Variants in SPOCK2 observed in about 807,000 individuals in gnomAD.
SPOCK2 encodes testican-2.
Under a neutral mutation model 60.1 loss-of-function variants are expected in SPOCK2, and 39 were observed. That is an observed-to-expected ratio of 0.65 (90% CI 0.50 to 0.85). The LOEUF (loss-of-function observed/expected upper bound fraction) is 0.85, where lower values mean the gene tolerates loss of function less well. Ranked by LOEUF, SPOCK2 falls within the 40% of genes least tolerant of loss-of-function variation. SPOCK2 has a pLI of 0.00. For missense variants in SPOCK2, 523 were observed against 567.4 expected (o/e 0.92, Z 0.80); for synonymous variants, 217 against 231.5 (o/e 0.94, Z 0.57).
chr10:72,064,047 G>A (rs1361928106), intron 9 of SPOCK2, 131 bp downstream of exon 9: 1 of 1,182,656 alleles, frequency 8.5e-7, no homozygotes, highest in African/African-American at 1.6e-5. Context: ...ACCCTCTTCT[G>A]TCTTCCTAGG....
Position 72,067,686 on chromosome 10 carries a change from C to T in SPOCK2, c.636G>A (p.Arg212=), listed in dbSNP as rs778669707. Residue 212 remains arginine (R), a synonymous_variant, in exon 7 of 11, where the codon CGG becomes CGA. Coordinates refer to ENST00000373109, the MANE Select transcript of SPOCK2 (RefSeq NM_001244950.2). The part of the protein sequence containing the change: ...QDLADLGDRL[R]DWFQLLHENS... ...TCTCATGAAGGAGCTGGAACCAGTC[C>T]CGCAGCCGATCTCCCAGGTCAGCCA... 5 of 1,613,788 alleles carry T rather than the reference C, an allele frequency of 3.1e-6. No homozygotes were observed. Among genetic ancestry groups the T allele is most frequent in the South Asian group, 1.1e-5 (1 of 91,058 alleles).
intron 4 of SPOCK2, among the ~76,000 whole-genome samples, chr10:72,071,452 G>C (rs1414328187): frequency 6.6e-6 from 1 of 152,192 alleles, no homozygotes; most frequent in Non-Finnish European, 1.5e-5. Flanking sequence ...GCTTCCCAAA[G>C]TGCTGGGATT....
chr10:72,088,246 C>G lies in SPOCK2; in HGVS notation c.83G>C (p.Gly28Ala). The G allele has an allele frequency of 6.2e-7, 1 of 1,611,010 alleles. No homozygotes were observed. ...AAALAEGDAK[G>A]LKEGETPGNF... Reference sequence around the variant, plus strand: ...GCCGGGGGTCTCGCCCTCCTTGAGCCCCTTGGCGTCGCCTTCGGCCAGGGC... The same window carrying G: ...GCCGGGGGTCTCGCCCTCCTTGAGCGCCTTGGCGTCGCCTTCGGCCAGGGC... The change falls in exon 1 of 11, where the codon GGG becomes GCG. Residue 28 changes from glycine (G) to alanine (A), a missense_variant. Coordinates refer to ENST00000373109, the MANE Select transcript of SPOCK2 (RefSeq NM_001244950.2).
chr10:72,073,024 C>T, intron 1 of SPOCK2, 114 bp from the exon 2 acceptor site: 1 of 1,451,700 alleles, frequency 6.9e-7, no homozygotes, highest in African/African-American at 1.4e-5. Context: ...CCTGCCTCAT[C>T]ATGTGGCCGA....
At position 72,062,524 on chromosome 10, in the gene SPOCK2, T is replaced by G; in HGVS notation, c.*236A>C. The G allele has an allele frequency of 1.5e-6, 1 of 673,496 alleles. No individual in the cohort carries two copies. The highest frequency in any genetic ancestry group is 3.1e-5 in the South Asian group (1 of 32,208). The allele number at this position is 673,496 out of a possible 1,614,324, so 41.7% of individuals were successfully genotyped here. A position where few individuals can be genotyped will look rare whatever the true frequency, so the allele number is the denominator to read the frequency against. ...GGAGCAGTGTGGATCAAGGACACAT[T>G]TGTCAGCGCATGCCACACACACACA... On this transcript the variant is annotated 3_prime_UTR_variant, in exon 11 of 11. Coordinates refer to ENST00000373109, the MANE Select transcript of SPOCK2 (RefSeq NM_001244950.2). This position sits in a 1 kb window ranked among gnomAD's most constrained non-coding sequence, Gnocchi z 4.3.
At position 72,088,000 on chromosome 10, in the gene SPOCK2, C is replaced by G. The variant is rs1002780435; in HGVS notation, c.189+140G>C. ...GGGCGCTGGGCTGTGACCCCCAGTA[C>G]TGTTTACTTTCCGTGTAATTAGCCG... On this transcript the variant is annotated intron_variant, in intron 1 of 10. Coordinates refer to ENST00000373109, the MANE Select transcript of SPOCK2 (RefSeq NM_001244950.2). This position sits in a 1 kb window ranked among gnomAD's most constrained non-coding sequence, Gnocchi z 4.7. 3 of 1,107,132 alleles carry G rather than the reference C, an allele frequency of 2.7e-6. No homozygotes were observed. Among genetic ancestry groups the G allele is most frequent in the Non-Finnish European group, 3.9e-6 (3 of 772,138 alleles). The allele number at this position is 1,107,132 out of a possible 1,614,324, so 68.6% of individuals were successfully genotyped here.
intron 1 of SPOCK2, chr10:72,086,993 C>G: frequency 6.4e-7 from 1 of 1,551,502 alleles, no homozygotes; most frequent in African/African-American, 1.4e-5. Context: ...ACGAGGGAAC[C>G]TGGGGAAGGA....
chr10:72,088,267 A>G lies in SPOCK2; in HGVS notation c.62T>C (p.Leu21Pro), dbSNP rs766989779. The part of the protein sequence containing the change: ...LPLLLLAAAA[L>P]AEGDAKGLKE... ...GAGCCCCTTGGCGTCGCCTTCGGCC[A>G]GGGCTGCCGCGGCCAGGAGCAGCAG... Residue 21 changes from leucine (L) to proline (P), a missense_variant, in exon 1 of 11, where the codon CTG (leucine) becomes CCG (proline). Leu to Pro is a moderately conservative substitution (Grantham distance 98). Coordinates refer to ENST00000373109, the MANE Select transcript of SPOCK2 (RefSeq NM_001244950.2). The G allele has an allele frequency of 5.0e-6, 8 of 1,606,320 alleles. No homozygotes were observed. The highest frequency in any genetic ancestry group is 6.8e-6 in the Non-Finnish European group (8 of 1,177,688).
chr10:72,081,441 G>A (rs995796363), intron 1 of SPOCK2, among the ~76,000 whole-genome samples: 2 of 152,222 alleles, frequency 1.3e-5, no homozygotes. Context: ...GGCAGGTGTT[G>A]GGGAAGACAG....
chr10:72,076,188 C>T (rs150935495), intron 1 of SPOCK2, among the ~76,000 whole-genome samples: 71 of 152,210 alleles, frequency 4.7e-4, no homozygotes, highest in African/African-American at 1.4e-3. Context: ...GGAGGAATGA[C>T]GAGGAAGTCC....
At chr10:72,069,686 G>A (rs908785641) in intron 5 of SPOCK2, among the ~76,000 whole-genome samples, 6 of 151,984 alleles carry the variant, frequency 3.9e-5, no homozygotes, top group African/African-American at 1.2e-4. Context: ...TCAAACTCCC[G>A]GATTCAAGCA....
intron 1 of SPOCK2, among the ~76,000 whole-genome samples, chr10:72,073,548 G>A (rs1840676817): frequency 6.6e-6 from 1 of 152,112 alleles, no homozygotes; most frequent in Admixed American, 6.5e-5. Flanking sequence ...ACCCAGAAAG[G>A]GTCCTACGAG....
At position 72,067,751 on chromosome 10, in the gene SPOCK2, G is replaced by T. The variant is rs992631897; in HGVS notation, c.590-19C>A. The T allele has an allele frequency of 2.4e-5, 38 of 1,610,406 alleles. No individual in the cohort carries two copies. The highest frequency in any genetic ancestry group is 2.9e-5 in the Non-Finnish European group (34 of 1,178,616). On this transcript the variant is annotated intron_variant, in intron 6 of 10. Coordinates refer to ENST00000373109, the MANE Select transcript of SPOCK2 (RefSeq NM_001244950.2). The stretch of plus-strand genomic sequence containing the variant: ...CAAGTCTCTGCAGAACAGAGAGAAG[G>T]CATGGAGGGCGAATGTGCAGTGGAG...
rs1302007416 is a variant in SPOCK2, at chr10:72,067,745, G to A, written c.590-13C>T. The A allele has an allele frequency of 1.9e-6, 3 of 1,611,908 alleles. No individual in the cohort carries two copies. Among genetic ancestry groups the A allele is most frequent in the East Asian group, 2.2e-5 (1 of 44,850 alleles). On this transcript the variant is annotated splice_polypyrimidine_tract_variant and intron_variant, in intron 6 of 10. Transcript: ENST00000373109. ...CCGGTGCAAGTCTCTGCAGAACAGAGAGAAGGCATGGAGGGCGAATGTGCA... is the reference window on the plus strand; with the variant it reads ...CCGGTGCAAGTCTCTGCAGAACAGAAAGAAGGCATGGAGGGCGAATGTGCA...
intron 8 of SPOCK2, 80 bp from the exon 9 acceptor site, chr10:72,064,320 C>A (rs1840538765): frequency 1.4e-6 from 2 of 1,413,134 alleles, no homozygotes; most frequent in African/African-American, 2.9e-5. Context: ...GGCTTAGAGA[C>A]CCAGGCAGGG....
At chr10:72,067,778 A>C in intron 6 of SPOCK2, 46 bp from the exon 7 acceptor site, 1 of 1,593,454 alleles carries the variant, frequency 6.3e-7, no homozygotes, top group Non-Finnish European at 8.5e-7. Context: ...GCAGTGGAGC[A>C]GCAGGCTCGA....
intron 1 of SPOCK2, among the ~76,000 whole-genome samples, chr10:72,077,342 C>T (rs1840726990): frequency 6.6e-6 from 1 of 152,088 alleles, no homozygotes; most frequent in Non-Finnish European, 1.5e-5. Flanking sequence ...GCTGCCCAGG[C>T]TGATCTCGAA....
chr10:72,063,129 T>C lies in SPOCK2; in HGVS notation c.1025A>G (p.Tyr342Cys). 1 of 1,556,752 alleles carries C rather than the reference T, an allele frequency of 6.4e-7. No homozygotes were observed. The highest frequency in any genetic ancestry group is 1.2e-5 in the South Asian group (1 of 84,314). Reference protein sequence around the residue: ...IFIPSCDEDGYYRKMQCDQSS... With the variant: ...IFIPSCDEDGCYRKMQCDQSS... Reference sequence around the variant, plus strand: ...CTGGTCACACTGCATCTTCCGGTAGTAGCCATCCTCGTCGCAGCTCGGGAT... The same window carrying C: ...CTGGTCACACTGCATCTTCCGGTAGCAGCCATCCTCGTCGCAGCTCGGGAT... Residue 342 changes from tyrosine to cysteine, a missense_variant, in exon 10 of 11, where the codon TAC becomes TGC. Coordinates refer to ENST00000373109, the MANE Select transcript of SPOCK2 (RefSeq NM_001244950.2).
At chr10:72,064,269 G>A (rs748109927) in intron 8 of SPOCK2, 29 bp from the exon 9 acceptor site, 12 of 1,562,444 alleles carry the variant, frequency 7.7e-6, no homozygotes, top group Non-Finnish European at 1.0e-5. Context: ...CCTCTGATGG[G>A]ACTGTCCCCT....
Sources: allele counts gnomAD v4.1 joint callset (sites outside exome capture counted in the v4.1 genomes callset), GRCh38; gene constraint gnomAD v4.1.1; non-coding constraint Gnocchi (gnomAD v3.1); transcripts MANE v1.5; gene names NCBI Gene and HGNC (gene_info 2026-07-23, HGNC 2026-07-21).